Variants in EIF2B3 observed in about 807,000 individuals in gnomAD.
EIF2B3 encodes eukaryotic translation initiation factor 2B subunit gamma, also known as translation initiation factor eIF2B subunit gamma.
EIF2B3 carries 20 observed loss-of-function variants against 54.1 expected under a neutral mutation model. The ratio of observed to expected loss-of-function variants is 0.37; its 90% CI spans 0.26 to 0.54. EIF2B3 has a LOEUF of 0.54. Among genes scored for constraint, EIF2B3 ranks in the 20% least tolerant of loss-of-function variants. The pLI is 0.86. For synonymous variants in EIF2B3, 153 were observed against 188.1 expected (o/e 0.81, Z 1.52); for missense variants, 448 against 547.8 (o/e 0.82, Z 1.82).
At chr1:44,975,978 A>G (rs1644449137) in intron 3 of EIF2B3, among the ~76,000 whole-genome samples, 1 of 152,200 alleles carries the variant, frequency 6.6e-6, no homozygotes, top group African/African-American at 2.4e-5. Flanking sequence ...CCTGGGTGAG[A>G]GAGCAAGACT....
chr1:44,974,606 C>T (rs536875217), intron 3 of EIF2B3, among the ~76,000 whole-genome samples: 1 of 152,052 alleles, frequency 6.6e-6, no homozygotes, highest in Non-Finnish European at 1.5e-5. Context: ...CTACAGTGAG[C>T]TGTGACCACA....
chr1:44,977,234 A>T (rs929709802), intron 3 of EIF2B3, among the ~76,000 whole-genome samples: 1 of 152,188 alleles, frequency 6.6e-6, no homozygotes, highest in Non-Finnish European at 1.5e-5. Flanking sequence ...ATGGGCCACA[A>T]ACCATTGGGG....
chr1:44,935,941 G>GT (rs201524888), intron 4 of EIF2B3, among the ~76,000 whole-genome samples: 1,692 of 144,532 alleles, frequency 0.012, 33 homozygotes, highest in African/African-American at 0.037. Flanking sequence ...TGGCATTTTG[G>GT]TTTTTTTTTT....
At chr1:44,939,224 G>A (rs1039829700) in intron 4 of EIF2B3, among the ~76,000 whole-genome samples, 1 of 151,264 alleles carries the variant, frequency 6.6e-6, no homozygotes, top group Non-Finnish European at 1.5e-5. Flanking sequence ...TTTTGGGCAA[G>A]AATTCAAACT....
chr1:44,918,385 G>A (rs2148927243), intron 5 of EIF2B3, among the ~76,000 whole-genome samples: 1 of 150,056 alleles, frequency 6.7e-6, no homozygotes, highest in Middle Eastern at 3.8e-3. Context: ...CCCAGCAATA[G>A]CATAGTAGCT....
At chr1:44,879,557 C>A (rs974004091) in intron 8 of EIF2B3, among the ~76,000 whole-genome samples, 1 of 152,064 alleles carries the variant, frequency 6.6e-6, no homozygotes, top group Admixed American at 6.6e-5. Flanking sequence ...CCTGCTGACC[C>A]AAAGGCCAGA....
At chr1:44,981,896 T>C (rs934335561) in intron 1 of EIF2B3, among the ~76,000 whole-genome samples, 8 of 143,712 alleles carry the variant, frequency 5.6e-5, no homozygotes, top group Admixed American at 3.6e-4. Flanking sequence ...GAGATTGAGA[T>C]TGGACCACTG....
chr1:44,926,813 A>G (rs1643858347), intron 4 of EIF2B3, 74 bp from the exon 5 acceptor site: 7 of 1,238,046 alleles, frequency 5.7e-6, no homozygotes, highest in South Asian at 3.6e-5. Flanking sequence ...CAGGGAACAC[A>G]GTATCTGCTC....
intron 6 of EIF2B3, among the ~76,000 whole-genome samples, chr1:44,896,908 G>A (rs529898542): frequency 1.1e-4 from 17 of 152,288 alleles, no homozygotes; most frequent in African/African-American, 3.9e-4. Flanking sequence ...TAAAATTGGG[G>A]GGAAACTTGC....
chr1:44,946,204 G>A (rs891194948), intron 3 of EIF2B3, among the ~76,000 whole-genome samples: 8 of 152,140 alleles, frequency 5.3e-5, no homozygotes, highest in Non-Finnish European at 7.4e-5. Context: ...AAAGAAAGGC[G>A]TGGGTCTGAA....
At chr1:44,875,595 G>A (rs764078401) in intron 9 of EIF2B3, 23 bp downstream of exon 9, 6 of 1,610,880 alleles carry the variant, frequency 3.7e-6, no homozygotes, top group Non-Finnish European at 5.1e-6. Context: ...TCTCATGCCC[G>A]TCCTGGCCAC....
intron 8 of EIF2B3, among the ~76,000 whole-genome samples, chr1:44,877,562 C>T (rs1655237173): frequency 6.6e-6 from 1 of 152,150 alleles, no homozygotes; most frequent in Non-Finnish European, 1.5e-5. Context: ...TGTGACCACG[C>T]ATGAGGTGAG....
intron 10 of EIF2B3, among the ~76,000 whole-genome samples, chr1:44,872,869 T>C (rs1302372853): frequency 6.6e-6 from 1 of 152,224 alleles, no homozygotes; most frequent in Admixed American, 6.5e-5. Context: ...TGTCGTTTTG[T>C]TTCTTTCACT....
intron 5 of EIF2B3, among the ~76,000 whole-genome samples, chr1:44,901,739 CT>C (rs2148917194): frequency 6.6e-6 from 1 of 150,874 alleles, no homozygotes; most frequent in African/African-American, 2.4e-5. Flanking sequence ...TTTGCATTTT[CT>C]TTGTAGAGAC....
At chr1:44,978,200 C>T (rs146925079) in intron 3 of EIF2B3, 115 bp downstream of exon 3, 67 of 1,232,308 alleles carry the variant, frequency 5.4e-5, no homozygotes, top group African/African-American at 5.1e-4. Context: ...TACTGCACTC[C>T]GGCCTAGGTG....
intron 3 of EIF2B3, among the ~76,000 whole-genome samples, chr1:44,949,325 C>G: frequency 6.6e-6 from 1 of 152,196 alleles, no homozygotes. Context: ...GATGCATTTT[C>G]TGATCCATTA....
intron 7 of EIF2B3, among the ~76,000 whole-genome samples, chr1:44,880,822 G>A (rs190747720): frequency 3.3e-5 from 5 of 152,248 alleles, no homozygotes; most frequent in East Asian, 1.9e-4. Context: ...TTAGCCGGGC[G>A]TGGTGGCGTG....
chr1:44,909,304 G>T (rs1414662084), intron 5 of EIF2B3, among the ~76,000 whole-genome samples: 1 of 151,874 alleles, frequency 6.6e-6, no homozygotes, highest in Admixed American at 6.6e-5. Flanking sequence ...AAAACTCACT[G>T]AAGTGTCAGT....
At chr1:44,958,455 C>G (rs1644250388) in intron 3 of EIF2B3, 1 of 655,842 alleles carries the variant, frequency 1.5e-6, no homozygotes, top group African/African-American at 1.8e-5. Context: ...CTGTTCCAGT[C>G]TGGACCTCTT....
Sources: gnomAD v4.1 joint callset for allele counts (sites outside exome capture counted in the v4.1 genomes callset) on GRCh38, gnomAD v4.1.1 for gene constraint, MANE v1.5 for transcripts, NCBI Gene and HGNC (gene_info 2026-07-23, HGNC 2026-07-21) for gene names.